The following SPOCK3 variants were observed in gnomAD, a reference collection of about 807,000 sequenced individuals.
SPOCK3 encodes the protein testican-3.
A neutral mutation model predicts 56.6 loss-of-function variants in SPOCK3; 30 were observed. The observed-to-expected ratio is 0.53, with a 90% CI of 0.40 to 0.72. The LOEUF (loss-of-function observed/expected upper bound fraction) is 0.72, where lower values mean the gene tolerates loss of function less well. Among genes scored for constraint, SPOCK3 ranks in the 30% least tolerant of loss-of-function variants. SPOCK3 has a pLI of 0.00. For synonymous variants in SPOCK3, 196 were observed against 183.3 expected (o/e 1.07, Z -0.56); for missense variants, 527 against 530.0 (o/e 0.99, Z 0.06).
chr4:167,029,414 C>T (rs1752045439), intron 3 of SPOCK3, among the ~76,000 whole-genome samples: 1 of 151,832 alleles, frequency 6.6e-6, no homozygotes, highest in Non-Finnish European at 1.5e-5. Context: ...TACTCTATTC[C>T]CAGGTTTTAT....
At chr4:167,081,201 G>A (rs1010517425) in intron 2 of SPOCK3, among the ~76,000 whole-genome samples, 10 of 151,792 alleles carry the variant, frequency 6.6e-5, no homozygotes, top group African/African-American at 2.4e-4. Flanking sequence ...ACTGGTGAAG[G>A]TCACTGAAAA....
intron 7 of SPOCK3, among the ~76,000 whole-genome samples, chr4:166,765,330 T>G (rs1329879053): frequency 1.3e-5 from 2 of 152,242 alleles, no homozygotes; most frequent in Non-Finnish European, 2.9e-5. Flanking sequence ...GTCTAACATT[T>G]AAGTCTTTAA....
intron 6 of SPOCK3, among the ~76,000 whole-genome samples, chr4:166,828,058 G>A (rs1745663607): frequency 6.6e-6 from 1 of 151,840 alleles, no homozygotes; most frequent in South Asian, 2.1e-4. Flanking sequence ...AGCATTCAAT[G>A]GTTTAATCAT....
At chr4:166,753,997 T>C (rs1469876710) in intron 8 of SPOCK3, 8 of 687,388 alleles carry the variant, frequency 1.2e-5, no homozygotes, top group Non-Finnish European at 1.3e-5. Context: ...TAGTGAATTT[T>C]ATAAAAGGTA....
intron 3 of SPOCK3, among the ~76,000 whole-genome samples, chr4:167,059,876 A>T (rs1755385895): frequency 6.6e-6 from 1 of 152,140 alleles, no homozygotes; most frequent in Non-Finnish European, 1.5e-5. Flanking sequence ...ATTGGAAATC[A>T]TCATTCTCAG....
At chr4:167,100,298 C>G (rs1181979526) in intron 2 of SPOCK3, among the ~76,000 whole-genome samples, 1 of 152,074 alleles carries the variant, frequency 6.6e-6, no homozygotes, top group Non-Finnish European at 1.5e-5. Flanking sequence ...TCAGTAGCTG[C>G]CAGCTTTCTC....
intron 5 of SPOCK3, among the ~76,000 whole-genome samples, chr4:166,901,058 T>C (rs997211883): frequency 6.6e-6 from 1 of 152,156 alleles, no homozygotes; most frequent in African/African-American, 2.4e-5. Context: ...ACATTCCTTT[T>C]TTCCATTTCA....
intron 2 of SPOCK3, among the ~76,000 whole-genome samples, chr4:167,082,026 G>C (rs562131277): frequency 2.6e-5 from 4 of 151,684 alleles, no homozygotes; most frequent in Non-Finnish European, 5.9e-5. Context: ...CCAATACTTA[G>C]GGTACCCAAG....
At chr4:166,887,848 CA>C (rs1341695496) in intron 6 of SPOCK3, among the ~76,000 whole-genome samples, 1 of 124,886 alleles carries the variant, frequency 8.0e-6, no homozygotes, top group African/African-American at 3.1e-5. Context: ...ACCTGTGCCC[CA>C]ATAACTTATG....
intron 4 of SPOCK3, among the ~76,000 whole-genome samples, chr4:166,955,585 T>TATTAAATTTAATATAATCAAATTAG (rs1415774978): frequency 7.5e-5 from 10 of 132,686 alleles, no homozygotes; most frequent in African/African-American, 3.1e-4. Context: ...AATTAAATTA[T>TATTAAATTTAATATAATCAAATTAG]ATTAAATTTA....
At position 166,919,951 on chromosome 4, in the gene SPOCK3, G is replaced by C. The variant is rs537615046; in HGVS notation, c.351-7208C>G. ...AATAAATCTAAGGTTAGATTTACAT[G>C]TATGCTGATAGCCTTATGTGACAGA... On this transcript the variant is annotated intron_variant, in intron 4 of 10. Coordinates refer to ENST00000357545, the MANE Select transcript of SPOCK3 (RefSeq NM_001040159.2). Among the ~76,000 whole-genome samples, 111 of 152,198 alleles carry C rather than the reference G, an allele frequency of 7.3e-4. 3 individuals are homozygous for C. The South Asian group carries it at 0.023, about 31-fold the overall frequency.
intron 6 of SPOCK3, among the ~76,000 whole-genome samples, chr4:166,815,324 A>G (rs529630601): frequency 6.6e-6 from 1 of 152,268 alleles, no homozygotes; most frequent in Non-Finnish European, 1.5e-5. Context: ...GTGAATAAAA[A>G]AATTATAATG....
intron 6 of SPOCK3, among the ~76,000 whole-genome samples, chr4:166,834,178 A>G (rs1015724929): frequency 6.6e-6 from 1 of 152,140 alleles, no homozygotes. Flanking sequence ...AGCACCAATG[A>G]AAGTCCACGG....
chr4:166,969,937 T>A (rs1745200030), intron 4 of SPOCK3, among the ~76,000 whole-genome samples: 1 of 152,224 alleles, frequency 6.6e-6, no homozygotes, highest in Admixed American at 6.5e-5. Flanking sequence ...AAATGCATTA[T>A]GTTTTATTGA....
chr4:167,108,959 A>G (rs1397542681), intron 2 of SPOCK3, among the ~76,000 whole-genome samples: 1 of 89,830 alleles, frequency 1.1e-5, no homozygotes, highest in Non-Finnish European at 1.9e-5. Flanking sequence ...TAAATATTAT[A>G]TATATAAATA....
intron 6 of SPOCK3, 99 bp from the exon 7 acceptor site, chr4:166,792,388 T>A: frequency 7.6e-7 from 1 of 1,318,274 alleles, no homozygotes; most frequent in South Asian, 1.4e-5. Context: ...TAAGAACGAC[T>A]AAAAGAAAAA....
intron 2 of SPOCK3, among the ~76,000 whole-genome samples, chr4:167,182,701 C>T (rs539886117): frequency 6.6e-6 from 1 of 151,810 alleles, no homozygotes; most frequent in Non-Finnish European, 1.5e-5. Flanking sequence ...CTATGCCTGG[C>T]CAATTTTTGT....
chr4:167,179,009 C>A (rs1187493173), intron 2 of SPOCK3, among the ~76,000 whole-genome samples: 1 of 152,002 alleles, frequency 6.6e-6, no homozygotes, highest in East Asian at 1.9e-4. Flanking sequence ...GCAGTTATTT[C>A]TTTTCCAGAA....
intron 3 of SPOCK3, among the ~76,000 whole-genome samples, chr4:167,056,118 C>T (rs902544908): frequency 1.1e-4 from 17 of 152,170 alleles, no homozygotes; most frequent in African/African-American, 2.2e-4. Context: ...TCCAGAGGAA[C>T]GATCAGACAG....
Sources: gnomAD v4.1 joint callset for allele counts (sites outside exome capture counted in the v4.1 genomes callset) on GRCh38, gnomAD v4.1.1 for gene constraint, MANE v1.5 for transcripts, NCBI Gene and HGNC (gene_info 2026-07-23, HGNC 2026-07-21) for gene names.